ABCB10: variants seen among roughly 807,000 people sequenced by gnomAD.
ABCB10 encodes ATP binding cassette subfamily B member 10, also known as ATP-binding cassette sub-family B member 10, mitochondrial.
Under a neutral mutation model 65.4 loss-of-function variants are expected in ABCB10, and 54 were observed. The observed-to-expected ratio is 0.83, with a 90% confidence interval of 0.66 to 1.04. ABCB10 has a LOEUF of 1.04. ABCB10 is among the 50% of genes least tolerant of loss of function. ABCB10 has a pLI of 0.00. For missense variants in ABCB10, 846 were observed against 976.6 expected, an observed-to-expected ratio of 0.87 and a Z score of 1.78; for synonymous variants, 418 against 406.5, an observed-to-expected ratio of 1.03 and a Z score of -0.34.
chr1:229,551,095 T>A (rs145517480), intron 1 of ABCB10, among the ~76,000 whole-genome samples: 1 of 152,148 alleles, frequency 6.6e-6, no homozygotes, highest in Admixed American at 6.5e-5. Flanking sequence ...ATTACTGTTA[T>A]ATAACCTTAA....
Position 229,558,457 on chromosome 1 carries a change from G to A in ABCB10, c.196C>T (p.Arg66Cys). 2 of 1,225,692 alleles carry A rather than the reference G, an allele frequency of 1.6e-6. No homozygotes were observed. Among genetic ancestry groups the A allele is most frequent in the South Asian group, 3.2e-5 (1 of 30,976 alleles). The allele number at this position is 1,225,692 out of a possible 1,614,324, so 75.9% of individuals were successfully genotyped here. Reference protein sequence around the residue: ...PALLWGVGAARRWRSGCRGGG... With the variant: ...PALLWGVGAACRWRSGCRGGG... The stretch of plus-strand genomic sequence containing the variant: ...CCCCGGCAGCCGCTCCTCCAGCGGC[G>A]CGCGGCTCCAACGCCCCAGAGCAGC... Residue 66 changes from arginine (R) to cysteine (C), a missense_variant, in exon 1 of 13, where the codon CGC (arginine) becomes TGC (cysteine). By Grantham distance (180) the Arg-to-Cys change is radical. This residue lies in a region of ABCB10 where 214 missense variants were observed against 173.5 expected (regional missense o/e 1.23). Transcript: ENST00000344517.
chr1:229,530,493 T>G, intron 7 of ABCB10, 85 bp from the exon 8 acceptor site: 1 of 1,391,574 alleles, frequency 7.2e-7, no homozygotes, highest in Non-Finnish European at 1.0e-6. Flanking sequence ...CATCTGGCTA[T>G]GGATGGGTGA....
intron 11 of ABCB10, 36 bp downstream of exon 11, chr1:229,521,556 C>G: frequency 6.4e-7 from 1 of 1,562,912 alleles, no homozygotes; most frequent in Admixed American, 1.9e-5. Flanking sequence ...AAAATAATCC[C>G]TAATTTAAAA....
chr1:229,547,792 G>C, intron 2 of ABCB10, 91 bp from the exon 3 acceptor site: 3 of 1,262,846 alleles, frequency 2.4e-6, no homozygotes, highest in Admixed American at 3.7e-5. Flanking sequence ...GCTTGGCCTG[G>C]AGTTGTAACC....
At chr1:229,557,589 G>C (rs545094936) in intron 1 of ABCB10, among the ~76,000 whole-genome samples, 3 of 152,148 alleles carry the variant, frequency 2.0e-5, no homozygotes, top group Admixed American at 6.5e-5. Flanking sequence ...CTCAATTACT[G>C]AACAGATCAC....
Position 229,518,407 on chromosome 1 carries a change from C to T in ABCB10, c.1989G>A (p.Ala663=), listed in dbSNP as rs751596334. 7.4e-6 allele frequency: 12 copies of T among 1,613,780 alleles called. No homozygotes were observed. In the African/African-American group the frequency reaches 8.0e-5, roughly 11 times the overall value. The change falls in exon 13 of 13, where the codon GCG becomes GCA. Residue 663 remains alanine (A), a synonymous_variant. Coordinates refer to ENST00000344517, the MANE Select transcript of ABCB10 (RefSeq NM_012089.3). Reference sequence around the variant, plus strand: ...CAAGGTACTCATTTTCGGCATCCAGCGCACTGACACAGGAGCACACACACA... The same window carrying T: ...CAAGGTACTCATTTTCGGCATCCAGTGCACTGACACAGGAGCACACACACA... ...KILLLDEATS[A]LDAENEYLVQ... is the part of the protein sequence containing the mutation.
At chr1:229,531,818 G>T in intron 6 of ABCB10, 87 bp from the exon 7 acceptor site, 1 of 1,014,474 alleles carries the variant, frequency 9.9e-7, no homozygotes, top group Non-Finnish European at 1.5e-6. Flanking sequence ...GACAATGATT[G>T]CTTTTAATAT....
rs1158829280 is a variant in ABCB10, at chr1:229,558,225, TC to T, written c.427del (p.Asp143ThrfsTer69). On this transcript the variant is annotated frameshift_variant, in exon 1 of 13. Transcript: ENST00000344517. LOFTEE classifies it high-confidence loss of function. ...WRRGPAAPPG[D>X]KGRLRPAAAG... ...CGCTGCGGGGCGCAGCCGCCCCTTG[TC>T]CCCGGGAGGCGCCGCCGGCCCGCGC... is the stretch of plus-strand genomic sequence containing the variant. The T allele has an allele frequency of 2.2e-6, 3 of 1,372,988 alleles. No individual in the cohort carries two copies. The highest frequency in any genetic ancestry group is 2.8e-6 in the Non-Finnish European group (3 of 1,065,334). The allele number at this position is 1,372,988 out of a possible 1,614,324, so 85.1% of individuals were successfully genotyped here. A position where few individuals can be genotyped will look rare whatever the true frequency, so the allele number is the denominator to read the frequency against.
intron 2 of ABCB10, 137 bp from the exon 3 acceptor site, chr1:229,547,838 C>T (rs1663006101): frequency 4.0e-6 from 3 of 745,518 alleles, no homozygotes; most frequent in African/African-American, 1.7e-5. Flanking sequence ...GTGTCTGCTG[C>T]ACTGTATCCC....
At position 229,530,202 on chromosome 1, in the gene ABCB10, A is replaced by T; in HGVS notation, c.1642T>A (p.Ser548Thr). 6.2e-7 allele frequency: 1 copy of T among 1,613,746 alleles called. No homozygotes were observed. Among genetic ancestry groups the T allele is most frequent in the South Asian group, 1.1e-5 (1 of 91,070 alleles). The change falls in exon 8 of 13, where the codon TCT (serine) becomes ACT (threonine). Residue 548 changes from serine (S) to threonine (T), a missense_variant. Ser to Thr is a moderately conservative substitution (Grantham distance 58). Coordinates refer to ENST00000344517, the MANE Select transcript of ABCB10 (RefSeq NM_012089.3). ...SLLLRLYDPA[S>T]GTISLDGHDI... Reference sequence around the variant, plus strand: ...TACAGTGTGGTGAACTGCTTACCAGAAGCAGGGTCGTACAACCTCAGCAGG... The same window carrying T: ...TACAGTGTGGTGAACTGCTTACCAGTAGCAGGGTCGTACAACCTCAGCAGG...
chr1:229,543,873 T>C (rs1662908019), intron 3 of ABCB10, among the ~76,000 whole-genome samples: 1 of 152,140 alleles, frequency 6.6e-6, no homozygotes, highest in Admixed American at 6.5e-5. Context: ...AACATAATCA[T>C]ATCTCTGATG....
intron 11 of ABCB10, among the ~76,000 whole-genome samples, chr1:229,521,042 A>C (rs1024797538): frequency 6.6e-6 from 1 of 152,154 alleles, no homozygotes; most frequent in African/African-American, 2.4e-5. Context: ...AATTTTATAT[A>C]TGTAAATTCT....
chr1:229,542,185 T>C (rs1662865537), intron 4 of ABCB10, 52 bp downstream of exon 4: 3 of 1,592,614 alleles, frequency 1.9e-6, no homozygotes, highest in Non-Finnish European at 2.6e-6. Context: ...TCTAGGATCC[T>C]GGCTATGACC....
chr1:229,554,608 T>A lies in ABCB10; in HGVS notation c.517+3528A>T, dbSNP rs991559909. ...TATCCAAAATATTATCCACACATGATCAACATAAAAAATTAGTAAGATATT... is the reference window on the plus strand; with the variant it reads ...TATCCAAAATATTATCCACACATGAACAACATAAAAAATTAGTAAGATATT... On this transcript the variant is annotated intron_variant, in intron 1 of 12. Coordinates refer to ENST00000344517, the MANE Select transcript of ABCB10 (RefSeq NM_012089.3). Among the ~76,000 whole-genome samples the A allele has an allele frequency of 1.1e-4, 17 of 152,210 alleles. 1 individual carries two copies. Among genetic ancestry groups the A allele is most frequent in the Admixed American group, 6.5e-4 (10 of 15,290 alleles).
In ABCB10 at chr1:229,517,945, C is replaced by T; in HGVS notation, c.*234G>A. On this transcript the variant is annotated 3_prime_UTR_variant, in exon 13 of 13. Transcript: ENST00000344517. ...TTCCACAAGAAAAGAAAATACAAAACCTGAAAATAACTTCAGTGCTATAGA... is the reference window on the plus strand; with the variant it reads ...TTCCACAAGAAAAGAAAATACAAAATCTGAAAATAACTTCAGTGCTATAGA... 2.4e-6 allele frequency: 1 copy of T among 416,270 alleles called. No homozygotes were observed. Among genetic ancestry groups the T allele is most frequent in the Non-Finnish European group, 4.2e-6 (1 of 235,388 alleles). 25.8% of individuals were successfully genotyped at this position (416,270 alleles called of 1,614,324 possible).
chr1:229,530,098 C>T (rs1013663704), intron 8 of ABCB10, 101 bp downstream of exon 8: 138 of 1,189,242 alleles, frequency 1.2e-4, no homozygotes, highest in Non-Finnish European at 1.5e-4. Context: ...AGGTACTCTA[C>T]AAAATAAGGT....
chr1:229,550,495 A>G (rs1331315662), intron 1 of ABCB10, among the ~76,000 whole-genome samples: 1 of 141,248 alleles, frequency 7.1e-6, no homozygotes, highest in Non-Finnish European at 1.5e-5. Context: ...ACTGCACTCC[A>G]GCCTGGGTGA....
chr1:229,522,050 GGTTTTGCCAT>G (rs1397781268), intron 10 of ABCB10, among the ~76,000 whole-genome samples: 1 of 151,820 alleles, frequency 6.6e-6, no homozygotes, highest in Non-Finnish European at 1.5e-5. Flanking sequence ...GTAAAGATGG[GGTTTTGCCAT>G]GTTGCCCAGG....
chr1:229,534,495 G>A (rs992879635), intron 6 of ABCB10, among the ~76,000 whole-genome samples: 20 of 152,074 alleles, frequency 1.3e-4, no homozygotes, highest in African/African-American at 4.8e-4. Context: ...GGAGGCCAAG[G>A]TGGGCAGATC....
Sources: allele counts gnomAD v4.1 joint callset (sites outside exome capture counted in the v4.1 genomes callset), GRCh38; gene constraint gnomAD v4.1.1; regional missense constraint gnomAD v4.1.1; transcripts MANE v1.5; gene names NCBI Gene and HGNC (gene_info 2026-07-23, HGNC 2026-07-21).